Variants in DDX24 observed in about 807,000 individuals in gnomAD.
DDX24 encodes ATP-dependent RNA helicase DDX24.
Under a neutral mutation model 68.9 loss-of-function variants are expected in DDX24, and 24 were observed. That is an observed-to-expected ratio of 0.35 (90% confidence interval 0.25 to 0.49). DDX24 has a LOEUF of 0.49. Among genes scored for constraint, DDX24 ranks in the 20% least tolerant of loss-of-function variants. The pLI, the probability that DDX24 is intolerant of heterozygous loss-of-function variation, is 0.99. For missense variants in DDX24, 989 were observed against 1,039.0 expected (o/e 0.95, Z 0.66); for synonymous variants, 395 against 385.2 (o/e 1.03, Z -0.30).
rs749541401 is a variant in DDX24 at position 94,051,223 on chromosome 14, C to A, written c.2548G>T (p.Glu850Ter). Residue 850 changes from glutamate (E) to a stop codon, truncating the protein, a stop_gained, in exon 9 of 9, where the codon GAA becomes TAA. Transcript: ENST00000621632. LOFTEE classifies it high-confidence loss of function. ...GCACTTGTACTTGGCTGTGGCTGTTCCGGCTGTGGCTCCTTCGGCTTCTTT... is the reference window on the plus strand; with the variant it reads ...GCACTTGTACTTGGCTGTGGCTGTTACGGCTGTGGCTCCTTCGGCTTCTTT... Reference protein sequence around the residue: ...KTKKPKEPQPEQPQPSTSAN With the variant: ...KTKKPKEPQP 2.5e-6 allele frequency: 4 copies of A among 1,580,180 alleles called. No individual in the cohort carries two copies. In the Admixed American group the frequency reaches 7.4e-5, roughly 29 times the overall value.
rs1349432207 is a variant in DDX24, at chr14:94,051,377, C to T, written c.2394G>A (p.Gln798=). ...TTTTCTGGCTCTCCGTAAACAGTGGCTGGGACAGCAGGTGGCGCAGCTCCT... is the reference window on the plus strand; with the variant it reads ...TTTTCTGGCTCTCCGTAAACAGTGGTTGGGACAGCAGGTGGCGCAGCTCCT... ...LKKELRHLLS[Q]PLFTESQKTK... Residue 798 remains glutamine (Q), a synonymous_variant, in exon 9 of 9, where the codon CAG becomes CAA. Coordinates refer to ENST00000621632, the MANE Select transcript of DDX24 (RefSeq NM_020414.4). The T allele has an allele frequency of 1.2e-6, 2 of 1,612,120 alleles. No individual in the cohort carries two copies. Among genetic ancestry groups the T allele is most frequent in the Non-Finnish European group, 1.7e-6 (2 of 1,179,480 alleles).
At chr14:94,060,025 TC>T in intron 5 of DDX24, 72 bp downstream of exon 5, 2 of 1,500,784 alleles carry the variant, frequency 1.3e-6, no homozygotes, top group East Asian at 2.3e-5. Context: ...TTCTACCATT[TC>T]CCCACCATCC....
Position 94,057,853 on chromosome 14 carries a change from A to G in DDX24, c.1958T>C (p.Ile653Thr). ...ATGGATGACATGCTGGACTTTAGGAATATCCAGACCCCGAGCTGCCACATC... is the reference window on the plus strand; with the variant it reads ...ATGGATGACATGCTGGACTTTAGGAGTATCCAGACCCCGAGCTGCCACATC... ...ATDVAARGLD[I>T]PKVQHVIHYQ... Residue 653 changes from isoleucine to threonine, a missense_variant, in exon 6 of 9, where the codon ATT (isoleucine) becomes ACT (threonine). This residue lies in a region of DDX24 where 691 missense variants were observed against 760.0 expected (regional missense o/e 0.91). Transcript: ENST00000621632. The G allele has an allele frequency of 6.2e-7, 1 of 1,614,048 alleles. No homozygotes were observed. Among genetic ancestry groups the G allele is most frequent in the Non-Finnish European group, 8.5e-7 (1 of 1,179,956 alleles).
At position 94,055,008 on chromosome 14, in the gene DDX24, C is replaced by T; in HGVS notation, c.2166G>A (p.Met722Ile). The change falls in exon 7 of 9, where the codon ATG (methionine) becomes ATA (isoleucine). Residue 722 changes from methionine (M) to isoleucine (I), a missense_variant. This residue lies in a region of DDX24 where 691 missense variants were observed against 760.0 expected (regional missense o/e 0.91). Transcript: ENST00000621632. ...AACTGCTTTCTACCTTGACCACATC[C>T]ATGTATTTTGTCTGCACGGGGAACA... is the stretch of plus-strand genomic sequence containing the variant. ...IPLFPVQTKYMDVVKERIRLA... is the reference protein window; with the variant it reads ...IPLFPVQTKYIDVVKERIRLA... The T allele has an allele frequency of 2.5e-6, 4 of 1,614,112 alleles. No homozygotes were observed. Among genetic ancestry groups the T allele is most frequent in the Non-Finnish European group, 3.4e-6 (4 of 1,179,982 alleles).
chr14:94,056,049 C>T (rs1408402287), intron 6 of DDX24: 1 of 152,196 alleles, frequency 6.6e-6, no homozygotes, highest in African/African-American at 2.4e-5. Flanking sequence ...GGTCATCTCA[C>T]CTCCTCTGCT....
At chr14:94,070,281 A>T (rs1392452203) in intron 2 of DDX24, among the ~76,000 whole-genome samples, 1 of 152,162 alleles carries the variant, frequency 6.6e-6, no homozygotes, top group Non-Finnish European at 1.5e-5. Flanking sequence ...AAAAAAAAAA[A>T]ATACTTAGGA....
chr14:94,062,201 C>G lies in DDX24; in HGVS notation c.1139G>C (p.Cys380Ser), dbSNP rs1307326101. 1.2e-6 allele frequency: 2 copies of G among 1,614,032 alleles called. No homozygotes were observed. Among genetic ancestry groups the G allele is most frequent in the African/African-American group, 1.3e-5 (1 of 74,914 alleles). Reference sequence around the variant, plus strand: ...CAGAGGACGCTTTGGATATGCCTTACAGGTGGCGCTTTTGTCATCCAACTC... The same window carrying G: ...CAGAGGACGCTTTGGATATGCCTTAGAGGTGGCGCTTTTGTCATCCAACTC... ...KQELDDKSAT[C>S]KAYPKRPLLG... The change falls in exon 3 of 9, where the codon TGT (cysteine) becomes TCT (serine). Residue 380 changes from cysteine (C) to serine (S), a missense_variant. Cys to Ser is a moderately radical substitution (Grantham distance 112). Transcript: ENST00000621632.
intron 2 of DDX24, among the ~76,000 whole-genome samples, chr14:94,068,319 C>T (rs1273748226): frequency 6.6e-6 from 1 of 152,044 alleles, no homozygotes; most frequent in African/African-American, 2.4e-5. Context: ...TATCAAAATC[C>T]TAAACATATA....
intron 2 of DDX24, among the ~76,000 whole-genome samples, chr14:94,075,642 A>G (rs1885922499): frequency 6.6e-6 from 1 of 151,572 alleles, no homozygotes; most frequent in Admixed American, 6.6e-5. Flanking sequence ...ATAAATTCAT[A>G]AAAGACAAGG....
chr14:94,060,235 C>T lies in DDX24; in HGVS notation c.1776G>A (p.Val592=). Residue 592 remains valine, a synonymous_variant, in exon 5 of 9, where the codon GTG becomes GTA. Coordinates refer to ENST00000621632, the MANE Select transcript of DDX24 (RefSeq NM_020414.4). The part of the protein sequence containing the change: ...FLMQYPGRSL[V]FANSISCIKR... Reference sequence around the variant, plus strand: ...TGATGCAGGAGATACTGTTGGCAAACACTAAGCTGCGGCCTGGATACTGCA... The same window carrying T: ...TGATGCAGGAGATACTGTTGGCAAATACTAAGCTGCGGCCTGGATACTGCA... The T allele has an allele frequency of 6.2e-7, 1 of 1,614,178 alleles. No individual in the cohort carries two copies. The highest frequency in any genetic ancestry group is 8.5e-7 in the Non-Finnish European group (1 of 1,180,032).
Position 94,080,054 on chromosome 14 carries a change from C to A in DDX24, c.-5-307G>T, listed in dbSNP as rs141035388. On this transcript the variant is annotated intron_variant, in intron 1 of 8. Coordinates refer to ENST00000621632, the MANE Select transcript of DDX24 (RefSeq NM_020414.4). ...CCACTCCTCTCTGAACTTCAGTGCT[C>A]TCATCTATAAAAAGGGGGGAGGGTA... Among the ~76,000 whole-genome samples the A allele has an allele frequency of 4.9e-3, 746 of 152,286 alleles. 5 individuals are homozygous for A. The highest frequency in any genetic ancestry group is 0.014 in the Middle Eastern group (4 of 294).
Position 94,055,158 on chromosome 14 carries a change from G to C in DDX24, c.2016C>G (p.Val672=), listed in dbSNP as rs532958033. The change falls in exon 7 of 9, where the codon GTC becomes GTG. Residue 672 remains valine (V), a synonymous_variant. Coordinates refer to ENST00000621632, the MANE Select transcript of DDX24 (RefSeq NM_020414.4). ...CTCGAGCAGTTCGACCACTTCGGTG[G>C]ACATAAATCTCCGAGGTACGTGGGA... ...YQVPRTSEIY[V]HRSGRTARAT... 1 of 1,613,950 alleles carries C rather than the reference G, an allele frequency of 6.2e-7. No individual in the cohort carries two copies. The highest frequency in any genetic ancestry group is 1.3e-5 in the African/African-American group (1 of 75,038).
chr14:94,061,029 C>T lies in DDX24; in HGVS notation c.1281G>A (p.Thr427=), dbSNP rs747105303. The T allele has an allele frequency of 6.2e-6, 10 of 1,614,174 alleles. No individual in the cohort carries two copies. The highest frequency in any genetic ancestry group is 2.2e-5 in the East Asian group (1 of 44,886). The part of the protein sequence containing the change: ...KTAILVGGMS[T]QKQQRMLNRR... ...GGTTCAGCATCCTCTGCTGTTTCTG[C>T]GTGGACATTCCACCAACCAAAATAG... The change falls in exon 4 of 9, where the codon ACG becomes ACA. Residue 427 remains threonine, a synonymous_variant. Transcript: ENST00000621632.
At chr14:94,071,631 C>G (rs1237787089) in intron 2 of DDX24, among the ~76,000 whole-genome samples, 1 of 151,740 alleles carries the variant, frequency 6.6e-6, no homozygotes, top group Admixed American at 6.6e-5. Flanking sequence ...GCCTGGGCAA[C>G]AGAGTGAGCC....
intron 2 of DDX24, among the ~76,000 whole-genome samples, chr14:94,064,119 A>G (rs909307218): frequency 6.6e-6 from 1 of 152,234 alleles, no homozygotes; most frequent in African/African-American, 2.4e-5. Flanking sequence ...AAACTATAAT[A>G]AAAGATATAT....
chr14:94,072,950 T>A (rs550257986), intron 2 of DDX24, among the ~76,000 whole-genome samples: 7 of 150,822 alleles, frequency 4.6e-5, no homozygotes, highest in African/African-American at 7.3e-5. Context: ...GAAAAAAAAA[T>A]TTAAAATAAA....
intron 2 of DDX24, among the ~76,000 whole-genome samples, chr14:94,066,569 C>A (rs1291718356): frequency 6.6e-6 from 1 of 152,198 alleles, no homozygotes; most frequent in Non-Finnish European, 1.5e-5. Flanking sequence ...AGCTAAGCAC[C>A]CTCACAGAGT....
intron 2 of DDX24, among the ~76,000 whole-genome samples, chr14:94,064,512 T>C (rs1405071080): frequency 6.6e-6 from 1 of 152,194 alleles, no homozygotes; most frequent in Non-Finnish European, 1.5e-5. Flanking sequence ...CTGAGCTCAG[T>C]CACTAACAAC....
rs1885609393 is a variant in DDX24, at chr14:94,062,166, C to G, written c.1174G>C (p.Val392Leu). Residue 392 changes from valine (V) to leucine (L), a missense_variant, in exon 3 of 9, where the codon GTT (valine) becomes CTT (leucine). By Grantham distance (32) the Val-to-Leu change is conservative (BLOSUM62 1). Coordinates refer to ENST00000621632, the MANE Select transcript of DDX24 (RefSeq NM_020414.4). ...AYPKRPLLGL[V>L]LTPTRELAVQ... ...GCCAGCTCTCGAGTGGGAGTCAGAA[C>G]CAGTCCAAGCAGAGGACGCTTTGGA... The G allele has an allele frequency of 2.5e-6, 4 of 1,614,072 alleles. No individual in the cohort carries two copies. The highest frequency in any genetic ancestry group is 1.6e-4 in the Middle Eastern group (1 of 6,062).
Sources: gnomAD v4.1 joint callset for allele counts (sites outside exome capture counted in the v4.1 genomes callset) on GRCh38, gnomAD v4.1.1 for gene constraint, gnomAD v4.1.1 regional missense constraint, MANE v1.5 for transcripts, NCBI Gene and HGNC (gene_info 2026-07-23, HGNC 2026-07-21) for gene names.